CASK: variants seen among roughly 807,000 people sequenced by gnomAD.
The protein encoded by CASK is calcium/calmodulin dependent serine protein kinase.
Under a neutral mutation model 82.9 loss-of-function variants are expected in CASK, and 4 were observed. The ratio of observed to expected loss-of-function variants is 0.05; its 90% confidence interval spans 0.02 to 0.11. The LOEUF is 0.11. Among genes scored for constraint, CASK ranks in the 10% least tolerant of loss-of-function variants. The pLI, the probability that CASK is intolerant of heterozygous loss-of-function variation, is 1.00. For synonymous variants in CASK, 259 were observed against 253.5 expected, an observed-to-expected ratio of 1.02 and a Z score of -0.20; for missense variants, 358 against 720.9, an observed-to-expected ratio of 0.50 and a Z score of 5.76.
At chrX:41,905,588 A>C (rs2072456748) in intron 1 of CASK, among the ~76,000 whole-genome samples, 1 of 113,252 alleles carries the variant, frequency 8.8e-6, no homozygotes, top group African/African-American at 3.2e-5. Context: ...TGAAATAGCC[A>C]CATCTGGCTA....
At chrX:41,782,123 A>G (rs905973543) in intron 3 of CASK, among the ~76,000 whole-genome samples, 1 of 111,841 alleles carries the variant, frequency 8.9e-6, no homozygotes, top group African/African-American at 3.2e-5. Flanking sequence ...AATACAAACA[A>G]GAGTATTTAT....
chrX:41,772,771 G>C (rs752450020), intron 3 of CASK, among the ~76,000 whole-genome samples: 1 of 110,775 alleles, frequency 9.0e-6, no homozygotes, highest in East Asian at 2.9e-4. Context: ...AGGCCGAGGC[G>C]GGCGGATCAC....
intron 2 of CASK, among the ~76,000 whole-genome samples, chrX:41,799,878 T>C (rs763680772): frequency 3.8e-5 from 4 of 106,180 alleles, no homozygotes; most frequent in Non-Finnish European, 7.7e-5. Context: ...CCCCTTGAGA[T>C]GGAAGAGCTA....
chrX:41,739,528 G>C lies in CASK; in HGVS notation c.357-72C>G, dbSNP rs1433307923. 4.6e-6 allele frequency: 3 copies of C among 656,074 alleles called. No homozygotes were observed. In the African/African-American group the frequency reaches 6.5e-5, roughly 14 times the overall value. 54.1% of individuals were successfully genotyped at this position (656,074 alleles called of 1,213,427 possible). A position where few individuals can be genotyped will look rare whatever the true frequency, so the allele number is the denominator to read the frequency against. ...TAAAACTTAATATACAGTGCTCCTA[G>C]TTTATAACTCCCACTCTCATATTAG... is the stretch of plus-strand genomic sequence containing the variant. On this transcript the variant is annotated intron_variant, in intron 4 of 26. Coordinates refer to ENST00000378163, the MANE Select transcript of CASK (RefSeq NM_001367721.1).
intron 5 of CASK, among the ~76,000 whole-genome samples, chrX:41,693,412 G>A (rs763026454): frequency 6.3e-5 from 7 of 110,905 alleles, no homozygotes; most frequent in Non-Finnish European, 1.1e-4. Context: ...TCAGGAGTTC[G>A]AGACCAGCCT....
intron 2 of CASK, among the ~76,000 whole-genome samples, chrX:41,793,285 A>G (rs1032424532): frequency 1.2e-4 from 13 of 112,055 alleles, no homozygotes; most frequent in Non-Finnish European, 1.7e-4. Flanking sequence ...ACTGAGGTCC[A>G]GGGCTCAATG....
intron 1 of CASK, among the ~76,000 whole-genome samples, chrX:41,878,414 C>A (rs1195339): frequency 0.19 from 21,009 of 110,320 alleles, 1,619 homozygotes; most frequent in Middle Eastern, 0.3. Flanking sequence ...TTTTTGTATA[C>A]GGTTGCAATG....
intron 21 of CASK, among the ~76,000 whole-genome samples, chrX:41,544,664 T>C (rs1216284166): frequency 9.3e-6 from 1 of 107,977 alleles, no homozygotes; most frequent in African/African-American, 3.4e-5. Flanking sequence ...GGCCAGGAGT[T>C]TGAGACCAGC....
Position 41,881,484 on chromosome X carries a change from A to G in CASK, c.60-28257T>C, listed in dbSNP as rs111472208. Among the ~76,000 whole-genome samples, 607 of 110,709 alleles carry G rather than the reference A, an allele frequency of 5.5e-3. 1 individual carries two copies. Among genetic ancestry groups the G allele is most frequent in the African/African-American group, 0.018 (555 of 30,487 alleles). On this transcript the variant is annotated intron_variant, in intron 1 of 26. Coordinates refer to ENST00000378163, the MANE Select transcript of CASK (RefSeq NM_001367721.1). Reference sequence around the variant, plus strand: ...TTATTTAACCTGTCTCTCCCTCTCTAACTTGCAAGTTCCATGACAGAAAGG... The same window carrying G: ...TTATTTAACCTGTCTCTCCCTCTCTGACTTGCAAGTTCCATGACAGAAAGG...
intron 21 of CASK, among the ~76,000 whole-genome samples, chrX:41,545,749 T>C (rs2065013508): frequency 9.0e-6 from 1 of 111,427 alleles, no homozygotes; most frequent in African/African-American, 3.3e-5. Flanking sequence ...CCTGCAATAT[T>C]GAGTCTTCCA....
intron 1 of CASK, among the ~76,000 whole-genome samples, chrX:41,876,242 C>A (rs1407927839): frequency 9.0e-6 from 1 of 111,459 alleles, no homozygotes; most frequent in Non-Finnish European, 1.9e-5. Context: ...TATTAACTCA[C>A]TTAATTCTCA....
intron 15 of CASK, among the ~76,000 whole-genome samples, chrX:41,575,493 A>G (rs1275832383): frequency 9.1e-6 from 1 of 110,157 alleles, no homozygotes; most frequent in African/African-American, 3.3e-5. Flanking sequence ...AAGCTAGTTC[A>G]AGCTTGATTT....
At position 41,665,293 on chromosome X, in the gene CASK, A is replaced by G; in HGVS notation, c.692T>C (p.Ile231Thr). 1 of 1,205,539 alleles carries G rather than the reference A, an allele frequency of 8.3e-7. No individual in the cohort carries two copies. Among genetic ancestry groups the G allele is most frequent in the Non-Finnish European group, 1.1e-6 (1 of 890,315 alleles). ...GTKERLFEGI[I>T]KGKYKMNPRQ... The stretch of plus-strand genomic sequence containing the variant: ...ATGCATTACCTTATATTTTCCTTTA[A>G]TAATGCCTTCAAACAATCTTTCCTT... Residue 231 changes from isoleucine to threonine, a missense_variant, in exon 7 of 27, where the codon ATT becomes ACT. This residue lies in a region of CASK where 70 missense variants were observed against 228.4 expected (regional missense o/e 0.31). Transcript: ENST00000378163.
chrX:41,841,241 T>G (rs2071032246), intron 2 of CASK, among the ~76,000 whole-genome samples: 1 of 111,844 alleles, frequency 8.9e-6, no homozygotes. Context: ...TACAGCCATT[T>G]TAGTAGGTGT....
chrX:41,833,972 G>C (rs1436945918), intron 2 of CASK, among the ~76,000 whole-genome samples: 1 of 111,189 alleles, frequency 9.0e-6, no homozygotes, highest in Non-Finnish European at 1.9e-5. Context: ...GGGTGGTCTT[G>C]AACTCTTAGG....
At chrX:41,646,569 A>G (rs1331214639) in intron 8 of CASK, among the ~76,000 whole-genome samples, 1 of 111,425 alleles carries the variant, frequency 9.0e-6, no homozygotes, top group Non-Finnish European at 1.9e-5. Context: ...AACTTTAAAA[A>G]TTGGCTATTG....
At chrX:41,628,803 T>G (rs1183600937) in intron 9 of CASK, among the ~76,000 whole-genome samples, 1 of 112,138 alleles carries the variant, frequency 8.9e-6, no homozygotes, top group Non-Finnish European at 1.9e-5. Flanking sequence ...GAGTTCTTCT[T>G]TTTATAAAAA....
chrX:41,553,633 A>G, intron 21 of CASK, 86 bp downstream of exon 21: 1 of 704,595 alleles, frequency 1.4e-6, no homozygotes, highest in Non-Finnish European at 2.2e-6. Context: ...CAGGTTTTAC[A>G]CTCTAAAATA....
intron 5 of CASK, among the ~76,000 whole-genome samples, chrX:41,722,581 G>A (rs1569418879): frequency 8.9e-6 from 1 of 112,293 alleles, no homozygotes; most frequent in Non-Finnish European, 1.9e-5. Flanking sequence ...GGCACATAGC[G>A]AGATATCTGG....
Sources: allele counts gnomAD v4.1 joint callset (sites outside exome capture counted in the v4.1 genomes callset), GRCh38; gene constraint gnomAD v4.1.1; regional missense constraint gnomAD v4.1.1; transcripts MANE v1.5; gene names NCBI Gene and HGNC (gene_info 2026-07-23, HGNC 2026-07-21).